The following GSC variants were observed in gnomAD, a reference collection of about 807,000 sequenced individuals.
GSC encodes goosecoid homeobox, also known as homeobox protein goosecoid.
In GSC, 13 loss-of-function variants were observed where a neutral mutation model predicts 24.5. The observed-to-expected ratio is 0.53, with a 90% confidence interval of 0.35 to 0.84. The LOEUF is 0.84. Among genes scored for constraint, GSC ranks in the 40% least tolerant of loss-of-function variants. The probability of loss-of-function intolerance (pLI) is 0.01; values close to 1 mark genes in which losing one functional copy is unlikely to be tolerated. For synonymous variants in GSC, 199 were observed against 182.1 expected (o/e 1.09, Z -0.75); for missense variants, 382 against 384.2 (o/e 0.99, Z 0.05).
At chr14:94,769,244 G>GC in intron 1 of GSC, 27 bp from the exon 2 acceptor site, 1 of 1,544,684 alleles carries the variant, frequency 6.5e-7, no homozygotes, top group Non-Finnish European at 8.7e-7. Context: ...CGCACGGTCA[G>GC]CCGCCCGCCC....
chr14:94,770,017 C>T lies in GSC; in HGVS notation c.-2G>A. ...GATGCTGAACATGCTGGCGGGCATC[C>T]CCGAGCCCCGCGTCGGGACCGGGGG... On this transcript the variant is annotated 5_prime_UTR_variant, in exon 1 of 3. Transcript: ENST00000238558. 1 of 1,549,968 alleles carries T rather than the reference C, an allele frequency of 6.5e-7. No individual in the cohort carries two copies. The highest frequency in any genetic ancestry group is 2.4e-5 in the East Asian group (1 of 42,110).
rs772555300 is a variant in GSC, at chr14:94,769,873, C to T, written c.143G>A (p.Gly48Asp). The stretch of plus-strand genomic sequence containing the variant: ...GGCGCCATAGTCCGAGGAGGCGCCG[C>T]CGCTGGCGCCGTAGAGCGAGTCCCC... Reference protein sequence around the residue: ...LHGDSLYGASGGASSDYGAFY... With the variant: ...LHGDSLYGASDGASSDYGAFY... Residue 48 changes from glycine to aspartate, a missense_variant, in exon 1 of 3, where the codon GGC becomes GAC. Physicochemically the swap from Gly to Asp is moderately conservative, Grantham distance 94. Transcript: ENST00000238558. 7 of 1,498,318 alleles carry T rather than the reference C, an allele frequency of 4.7e-6. No individual in the cohort carries two copies. The African/African-American group carries it at 1.0e-4, about 22-fold the overall frequency. 92.8% of individuals were successfully genotyped at this position (1,498,318 alleles called of 1,614,324 possible).
chr14:94,768,910 C>G, intron 2 of GSC, 48 bp downstream of exon 2: 1 of 1,552,612 alleles, frequency 6.4e-7, no homozygotes, highest in South Asian at 1.2e-5. Flanking sequence ...GGGGCCCCAC[C>G]TCGCGGGGAA....
In GSC at chr14:94,769,926, C is replaced by A. The variant is rs376492521; in HGVS notation, c.90G>T (p.Ala30=). 6.5e-7 allele frequency: 1 copy of A among 1,537,228 alleles called. No homozygotes were observed. The highest frequency in any genetic ancestry group is 8.7e-7 in the Non-Finnish European group (1 of 1,149,452). ...GCAGGGCCGGGAAGACGACGGGAGC[C>A]GCCGCGCTGTGCGCCACCGGCAACA... ...DSVLPVAHSA[A]APVVFPALHG... The change falls in exon 1 of 3, where the codon GCG becomes GCT. Residue 30 remains alanine (A), a synonymous_variant. Transcript: ENST00000238558.
intron 1 of GSC, 33 bp from the exon 2 acceptor site, chr14:94,769,250 C>A (rs1470688790): frequency 6.5e-7 from 1 of 1,542,396 alleles, no homozygotes; most frequent in South Asian, 1.2e-5. Context: ...GTCAGCCGCC[C>A]GCCCTCGCCA....
rs1399923916 is a variant in GSC, at chr14:94,769,186, G to A, written c.387C>T (p.Ser129=). The change falls in exon 2 of 3, where the codon TCC becomes TCT. Residue 129 remains serine (S), a synonymous_variant. Coordinates refer to ENST00000238558, the MANE Select transcript of GSC (RefSeq NM_173849.3). ...AGGGCAGCATCTGGTGCGGTACCGG[G>A]GACACCAGCACCGAACCGGGGCCCT... ...GYEGPGSVLV[S]PVPHQMLPYM... The A allele has an allele frequency of 6.4e-7, 1 of 1,561,070 alleles. No individual in the cohort carries two copies. The highest frequency in any genetic ancestry group is 1.9e-5 in the Admixed American group (1 of 52,636).
chr14:94,768,480 T>C lies in GSC; in HGVS notation c.*11A>G, dbSNP rs754123382. 3 of 1,614,046 alleles carry C rather than the reference T, an allele frequency of 1.9e-6. No individual in the cohort carries two copies. The highest frequency in any genetic ancestry group is 2.5e-6 in the Non-Finnish European group (3 of 1,180,026). On this transcript the variant is annotated 3_prime_UTR_variant, in exon 3 of 3. Transcript: ENST00000238558. ...GTTAGGTAAGTAATACGGGCAAGTG[T>C]CCCGCGGCCGTCAGCTGTCCGAGTC...
In GSC at chr14:94,768,400, G is replaced by T. The variant is rs377299455; in HGVS notation, c.*91C>A. 12 of 1,489,092 alleles carry T rather than the reference G, an allele frequency of 8.1e-6. No individual in the cohort carries two copies. The highest frequency in any genetic ancestry group is 1.1e-5 in the South Asian group (1 of 88,258). 92.2% of individuals were successfully genotyped at this position (1,489,092 alleles called of 1,614,324 possible). ...CGTTCCTCTTTCTCGACCCCCTCCCGCAAGGCAGCGCGTGTGCAAGAAAGT... is the reference window on the plus strand; with the variant it reads ...CGTTCCTCTTTCTCGACCCCCTCCCTCAAGGCAGCGCGTGTGCAAGAAAGT... On this transcript the variant is annotated 3_prime_UTR_variant, in exon 3 of 3. Coordinates refer to ENST00000238558, the MANE Select transcript of GSC (RefSeq NM_173849.3).
chr14:94,768,788 C>T, intron 2 of GSC, 139 bp from the exon 3 acceptor site: 3 of 1,407,912 alleles, frequency 2.1e-6, no homozygotes, highest in Non-Finnish European at 2.9e-6. Flanking sequence ...CTCCCGCTTC[C>T]GCGTTTTCAT....
At chr14:94,769,629 G>T in intron 1 of GSC, 32 bp downstream of exon 1, 1 of 1,403,560 alleles carries the variant, frequency 7.1e-7, no homozygotes, top group South Asian at 1.6e-5. Context: ...GACCGCAGTG[G>T]GCGGCAGAGG....
At chr14:94,768,825 C>T in intron 2 of GSC, 133 bp downstream of exon 2, 1 of 1,414,702 alleles carries the variant, frequency 7.1e-7, no homozygotes, top group Admixed American at 2.0e-5. Flanking sequence ...AAAGCGCCCT[C>T]CAGCAGCCTG....
At position 94,768,570 on chromosome 14, in the gene GSC, C is replaced by T; in HGVS notation, c.695G>A (p.Trp232Ter). 6.2e-7 allele frequency: 1 copy of T among 1,614,190 alleles called. No individual in the cohort carries two copies. Among genetic ancestry groups the T allele is most frequent in the Non-Finnish European group, 8.5e-7 (1 of 1,180,030 alleles). Residue 232 changes from tryptophan (W) to a stop codon, truncating the protein, a stop_gained, in exon 3 of 3, where the codon TGG becomes TAG. Transcript: ENST00000238558. LOFTEE classifies it high-confidence loss of function. Reference protein sequence around the residue: ...SSEESENAEKWNKTSSSKASP... With the variant: ...SSEESENAEK The stretch of plus-strand genomic sequence containing the variant: ...CGCCTTCGACGACGACGTCTTGTTC[C>T]ACTTCTCCGCGTTCTCCGACTCCTC...
chr14:94,768,426 A>G lies in GSC; in HGVS notation c.*65T>C. 6.3e-7 allele frequency: 1 copy of G among 1,580,288 alleles called. No homozygotes were observed. The highest frequency in any genetic ancestry group is 1.1e-5 in the South Asian group (1 of 90,338). ...CAAGGCAGCGCGTGTGCAAGAAAGT[A>G]GCATCGTCTGTCTGTGCAAGTCCTT... On this transcript the variant is annotated 3_prime_UTR_variant, in exon 3 of 3. Transcript: ENST00000238558.
rs777988148 is a variant in GSC at position 94,769,879 on chromosome 14, G to T, written c.137C>A (p.Ala46Asp). Residue 46 changes from alanine (A) to aspartate (D), a missense_variant, in exon 1 of 3, where the codon GCC (alanine) becomes GAC (aspartate). Transcript: ENST00000238558. ...PALHGDSLYGASGGASSDYGA... is the reference protein window; with the variant it reads ...PALHGDSLYGDSGGASSDYGA... The stretch of plus-strand genomic sequence containing the variant: ...ATAGTCCGAGGAGGCGCCGCCGCTG[G>T]CGCCGTAGAGCGAGTCCCCGTGCAG... The T allele has an allele frequency of 6.6e-5, 99 of 1,499,310 alleles. 3 individuals carry two copies. The South Asian group carries it at 1.2e-3, about 19-fold the overall frequency. The allele number at this position is 1,499,310 out of a possible 1,614,324, so 92.9% of individuals were successfully genotyped here. A position where few individuals can be genotyped will look rare whatever the true frequency, so the allele number is the denominator to read the frequency against.
At chr14:94,768,913 G>C (rs778616169) in intron 2 of GSC, 45 bp downstream of exon 2, 1 of 1,553,680 alleles carries the variant, frequency 6.4e-7, no homozygotes, top group Non-Finnish European at 8.7e-7. Flanking sequence ...GCCCCACCTC[G>C]CGGGGAAGGA....
chr14:94,770,090 TCTC>T lies in GSC; in HGVS notation c.-78_-76del. The T allele has an allele frequency of 7.3e-7, 1 of 1,371,710 alleles. No homozygotes were observed. The highest frequency in any genetic ancestry group is 9.8e-7 in the Non-Finnish European group (1 of 1,021,036). The allele number at this position is 1,371,710 out of a possible 1,614,324, so 85.0% of individuals were successfully genotyped here. On this transcript the variant is annotated 5_prime_UTR_variant, in exon 1 of 3. Coordinates refer to ENST00000238558, the MANE Select transcript of GSC (RefSeq NM_173849.3). ...AGAGCCTTAAAGTGGGGGGGTCCAC[TCTC>T]CTCCAGCCGCCGACCAAACCGAAAG...
At position 94,769,097 on chromosome 14, in the gene GSC, C is replaced by T. The variant is rs1220736807; in HGVS notation, c.476G>A (p.Arg159Gln). 13 of 1,590,220 alleles carry T rather than the reference C, an allele frequency of 8.2e-6. No homozygotes were observed. The highest frequency in any genetic ancestry group is 2.3e-5 in the East Asian group (1 of 43,878). ...GAAGATGGTGCGGTGCCGCCGCTTCCGCCGACAGTGCAGCTGGTTGAGAAG... is the reference window on the plus strand; with the variant it reads ...GAAGATGGTGCGGTGCCGCCGCTTCTGCCGACAGTGCAGCTGGTTGAGAAG... ...LQLLNQLHCR[R>Q]KRRHRTIFTD... is the part of the protein sequence containing the mutation. Residue 159 changes from arginine (R) to glutamine (Q), a missense_variant, in exon 2 of 3, where the codon CGG (arginine) becomes CAG (glutamine). By Grantham distance (43) the Arg-to-Gln change is conservative. Transcript: ENST00000238558.
At chr14:94,768,678 C>G (rs202126439) in intron 2 of GSC, 29 bp from the exon 3 acceptor site, 2 of 1,611,124 alleles carry the variant, frequency 1.2e-6, no homozygotes, top group Non-Finnish European at 8.5e-7. Context: ...CAAAACAGTT[C>G]AGATCAAAGG....
In GSC at chr14:94,768,316, G is replaced by T; in HGVS notation, c.*175C>A. 1.3e-6 allele frequency: 1 copy of T among 793,976 alleles called. No homozygotes were observed. The highest frequency in any genetic ancestry group is 2.1e-6 in the Non-Finnish European group (1 of 480,452). The allele number at this position is 793,976 out of a possible 1,614,324, so 49.2% of individuals were successfully genotyped here. On this transcript the variant is annotated 3_prime_UTR_variant, in exon 3 of 3. Coordinates refer to ENST00000238558, the MANE Select transcript of GSC (RefSeq NM_173849.3). Reference sequence around the variant, plus strand: ...GCGGGCGGCCTCGGGCTGCTGGGCTGTGCGCGCCCTGACCCCAGACGCCGA... The same window carrying T: ...GCGGGCGGCCTCGGGCTGCTGGGCTTTGCGCGCCCTGACCCCAGACGCCGA...
Sources: gnomAD v4.1 joint callset for allele counts on GRCh38, gnomAD v4.1.1 for gene constraint, MANE v1.5 for transcripts, NCBI Gene and HGNC (gene_info 2026-07-23, HGNC 2026-07-21) for gene names.